Variants in LINC00632 observed in about 807,000 individuals in gnomAD.
The protein encoded by LINC00632 is long independently transcribed non-coding RNA 632, also known as ALDOA related specific transcript.
chrX:140,769,650 T>A (rs1052769471), intron 3 of LINC00632, among the ~76,000 whole-genome samples: 2 of 111,594 alleles, frequency 1.8e-5, no homozygotes, highest in Admixed American at 9.6e-5. Flanking sequence ...AAATCTGGCA[T>A]CTGAAGCCCT....
chrX:140,769,387 C>G (rs148747286), intron 3 of LINC00632, among the ~76,000 whole-genome samples: 2 of 111,280 alleles, frequency 1.8e-5, no homozygotes, highest in African/African-American at 6.5e-5. Context: ...CCATTTCAGT[C>G]TTAGATTCTG....
intron 3 of LINC00632, among the ~76,000 whole-genome samples, chrX:140,747,611 T>G (rs927612313): frequency 6.3e-5 from 7 of 110,870 alleles, no homozygotes; most frequent in Non-Finnish European, 1.3e-4. Context: ...ACAGGCATTG[T>G]AAACATGTGA....
Position 140,736,383 on chromosome X carries a change from A to G in LINC00632, n.191+2419A>G, listed in dbSNP as rs186167922. On this transcript the variant is annotated intron_variant and non_coding_transcript_variant, in intron 3 of 4. Coordinates refer to ENST00000648200, the Ensembl canonical transcript of LINC00632. The stretch of plus-strand genomic sequence containing the variant: ...GCATATACATTTTTTTTTCAAATCC[A>G]TAAACTTCATTAGACCATAGAATTA... Among the ~76,000 whole-genome samples, 60 of 108,225 alleles carry G rather than the reference A, an allele frequency of 5.5e-4. No homozygotes were observed. The East Asian group carries it at 0.017, about 30-fold the overall frequency. 94.0% of individuals were successfully genotyped at this position (108,225 alleles called of 115,157 possible).
intron 3 of LINC00632, among the ~76,000 whole-genome samples, chrX:140,743,724 C>T (rs1388838961): frequency 9.0e-6 from 1 of 111,113 alleles, no homozygotes; most frequent in Non-Finnish European, 1.9e-5. Flanking sequence ...AGCACGTGAC[C>T]CTGCGAGCAG....
intron 2 of LINC00632, among the ~76,000 whole-genome samples, chrX:140,718,775 A>T (rs1336000840): frequency 8.9e-6 from 1 of 111,783 alleles, no homozygotes; most frequent in African/African-American, 3.3e-5. Flanking sequence ...TAACACCTAG[A>T]CTTATCACAC....
At position 140,723,312 on chromosome X, in the gene LINC00632, CACAG is replaced by C. The variant is rs1289887870; in HGVS notation, n.105-10562_105-10559del. Among the ~76,000 whole-genome samples the C allele has an allele frequency of 5.0e-3, 372 of 74,257 alleles. 3 individuals are homozygous for C. The highest frequency in any genetic ancestry group is 0.019 in the African/African-American group (355 of 18,313). 64.5% of individuals were successfully genotyped at this position (74,257 alleles called of 115,157 possible). On this transcript the variant is annotated intron_variant and non_coding_transcript_variant, in intron 2 of 4. Coordinates refer to ENST00000648200, the Ensembl canonical transcript of LINC00632. The stretch of plus-strand genomic sequence containing the variant: ...CACGTGCACACACACATTCCATACA[CACAG>C]ACACACATTCCATACACACAGACAC...
intron 2 of LINC00632, among the ~76,000 whole-genome samples, chrX:140,724,239 C>G (rs1365987808): frequency 2.2e-5 from 2 of 90,578 alleles, no homozygotes; most frequent in East Asian, 7.1e-4. Context: ...CACACACAGA[C>G]ACATTCCATA....
chrX:140,724,739 C>T (rs769368571), intron 2 of LINC00632, among the ~76,000 whole-genome samples: 1,169 of 106,547 alleles, frequency 0.011, 20 homozygotes, highest in African/African-American at 0.038. Context: ...TACACACACA[C>T]ATTCCCTACA....
At chrX:140,783,906 G>GA in exon 5 of LINC00632, 1 of 1,207,458 alleles carries the variant, frequency 8.3e-7, no homozygotes, top group Non-Finnish European at 1.1e-6. Context: ...GGGTCTTCCT[G>GA]AAAATCTACG....
chrX:140,756,979 C>G (rs770232892), intron 3 of LINC00632, among the ~76,000 whole-genome samples: 1 of 111,794 alleles, frequency 8.9e-6, no homozygotes, highest in African/African-American at 3.2e-5. Flanking sequence ...CAGCGACTCC[C>G]TATCTGGAGG....
exon 5 of LINC00632, among the ~76,000 whole-genome samples, chrX:140,788,575 ATG>A (rs1288573121): frequency 9.1e-6 from 1 of 109,584 alleles, no homozygotes; most frequent in Non-Finnish European, 1.9e-5. Context: ...CTTTATGTTA[ATG>A]TGTTTTTATT....
chrX:140,723,689 T>G (rs116812903), intron 2 of LINC00632, among the ~76,000 whole-genome samples: 1 of 118 alleles, frequency 8.5e-3, no homozygotes, highest in African/African-American at 0.03. Flanking sequence ...TACACACACA[T>G]AGACACACAT....
intron 3 of LINC00632, among the ~76,000 whole-genome samples, chrX:140,771,618 C>T (rs1156345448): frequency 0.012 from 366 of 30,404 alleles, 4 homozygotes; most frequent in African/African-American, 0.044. Flanking sequence ...TATATACACA[C>T]ACACACACAC....
chrX:140,755,791 T>C (rs1931483681), intron 3 of LINC00632, among the ~76,000 whole-genome samples: 1 of 111,138 alleles, frequency 9.0e-6, no homozygotes. Flanking sequence ...AAATAGAGGC[T>C]AGACATTGAT....
At chrX:140,787,178 G>T (rs748584329) in exon 5 of LINC00632, among the ~76,000 whole-genome samples, 158 of 109,242 alleles carry the variant, frequency 1.4e-3, no homozygotes, top group Middle Eastern at 4.8e-3. Flanking sequence ...TTAGCAAAGT[G>T]AAAAAAAACA....
At chrX:140,788,157 AGAT>A (rs199822536) in exon 5 of LINC00632, among the ~76,000 whole-genome samples, 2,628 of 110,308 alleles carry the variant, frequency 0.024, 83 homozygotes, top group African/African-American at 0.081. Flanking sequence ...AAAAAATTGA[AGAT>A]GATGGTCACT....
At chrX:140,734,684 A>G (rs1457013871) in intron 3 of LINC00632, among the ~76,000 whole-genome samples, 1 of 110,993 alleles carries the variant, frequency 9.0e-6, no homozygotes, top group Non-Finnish European at 1.9e-5. Flanking sequence ...GTAGTACACA[A>G]TCAGAAGAAC....
chrX:140,776,715 C>T (rs749195353), exon 5 of LINC00632, among the ~76,000 whole-genome samples: 55 of 111,822 alleles, frequency 4.9e-4, no homozygotes, highest in Non-Finnish European at 8.8e-4. Flanking sequence ...AGTTTAACCA[C>T]TGTGGAAGAC....
At chrX:140,742,839 TAGAGAG>T (rs3084215) in intron 3 of LINC00632, among the ~76,000 whole-genome samples, 1,905 of 46,851 alleles carry the variant, frequency 0.041, 48 homozygotes, top group South Asian at 0.19. Flanking sequence ...TAGAAGGTGA[TAGAGAG>T]AGAGAGAGAG....
Sources: gnomAD v4.1 joint callset for allele counts (sites outside exome capture counted in the v4.1 genomes callset) on GRCh38, gnomAD v4.1.1 for gene constraint, MANE v1.5 for transcripts, NCBI Gene and HGNC (gene_info 2026-07-23, HGNC 2026-07-21) for gene names.